The following CCDC39 variants were observed in gnomAD, a reference collection of about 807,000 sequenced individuals.
CCDC39 encodes the protein coiled-coil domain 39 molecular ruler complex subunit, also known as coiled-coil domain-containing protein 39.
In CCDC39, 113 loss-of-function variants were observed where a neutral mutation model predicts 121.0. That is an observed-to-expected ratio of 0.93 (90% CI 0.80 to 1.09). The LOEUF (loss-of-function observed/expected upper bound fraction) is 1.09, where lower values mean the gene tolerates loss of function less well. Among genes scored for constraint, CCDC39 ranks in the 50% least tolerant of loss-of-function variants. CCDC39 has a pLI of 0.00. For missense variants in CCDC39, 1,063 were observed against 1,074.7 expected (o/e 0.99, Z 0.15); for synonymous variants, 349 against 352.2 (o/e 0.99, Z 0.10).
intron 7 of CCDC39, among the ~76,000 whole-genome samples, chr3:180,652,782 A>G (rs926170752): frequency 6.6e-6 from 1 of 152,156 alleles, no homozygotes; most frequent in Non-Finnish European, 1.5e-5. Flanking sequence ...ACTCTCCACC[A>G]AATACTCTCA....
chr3:180,647,296 A>G, intron 10 of CCDC39, 53 bp from the exon 11 acceptor site: 1 of 1,452,448 alleles, frequency 6.9e-7, no homozygotes. Flanking sequence ...AAGCATTTCT[A>G]CAAGTGTAAA....
chr3:180,659,342 G>T (rs535088288), intron 6 of CCDC39, 110 bp downstream of exon 6: 2 of 1,350,300 alleles, frequency 1.5e-6, no homozygotes, highest in Non-Finnish European at 2.0e-6. Context: ...ACTGAATATT[G>T]CTACAAAAGT....
At chr3:180,639,908 T>C (rs905690338) in intron 13 of CCDC39, among the ~76,000 whole-genome samples, 4 of 152,102 alleles carry the variant, frequency 2.6e-5, no homozygotes, top group Non-Finnish European at 5.9e-5. Context: ...TATATTGATA[T>C]ACACAACATG....
At chr3:180,622,897 C>G (rs1307124337) in intron 14 of CCDC39, among the ~76,000 whole-genome samples, 1 of 151,538 alleles carries the variant, frequency 6.6e-6, no homozygotes, top group Non-Finnish European at 1.5e-5. Context: ...GTGTTGTGTC[C>G]TTGTCTGGTT....
At position 180,644,167 on chromosome 3, in the gene CCDC39, T is replaced by C. The variant is rs373541834; in HGVS notation, c.1618A>G (p.Ile540Val). 8 of 1,545,630 alleles carry C rather than the reference T, an allele frequency of 5.2e-6. No homozygotes were observed. Among genetic ancestry groups the C allele is most frequent in the Non-Finnish European group, 5.2e-6 (6 of 1,144,512 alleles). ...TCAAGTTCTTTCTCTGATCTGTCGATGAAAAGGTTTAGTTCATTTATTTTG... is the reference window on the plus strand; with the variant it reads ...TCAAGTTCTTTCTCTGATCTGTCGACGAAAAGGTTTAGTTCATTTATTTTG... ...MTKINELNLF[I>V]DRSEKELDKA... The change falls in exon 12 of 20, where the codon ATC (isoleucine) becomes GTC (valine). Residue 540 changes from isoleucine to valine, a missense_variant. By Grantham distance (29) the Ile-to-Val change is conservative. Coordinates refer to ENST00000476379, the MANE Select transcript of CCDC39 (RefSeq NM_181426.2).
chr3:180,662,035 G>C, intron 2 of CCDC39, 28 bp from the exon 3 acceptor site: 1 of 1,510,268 alleles, frequency 6.6e-7, no homozygotes, highest in Non-Finnish European at 8.8e-7. Context: ...AGATAAAAAG[G>C]CTTTTAAAAT....
intron 16 of CCDC39, 62 bp downstream of exon 16, chr3:180,619,197 T>A: frequency 1.3e-6 from 1 of 766,126 alleles, no homozygotes; most frequent in Non-Finnish European, 2.3e-6. Flanking sequence ...AGAATAGAAG[T>A]AGCAGTAATG....
In CCDC39 at chr3:180,642,092, A is replaced by C; in HGVS notation, c.1775T>G (p.Leu592Ter). ...AGTTCGCTCTTCCATTGCTGTGTAT[A>C]ATTGCTGTTTTCTTTTTTCTAGGGA... ...VLSLEKRKQQ[L>*]YTAMEERTEE... is the part of the protein sequence containing the mutation. Residue 592 changes from leucine to a stop codon, truncating the protein, a stop_gained, in exon 13 of 20, where the codon TTA becomes TGA. Coordinates refer to ENST00000476379, the MANE Select transcript of CCDC39 (RefSeq NM_181426.2). LOFTEE classifies it high-confidence loss of function. 1 of 1,613,000 alleles carries C rather than the reference A, an allele frequency of 6.2e-7. No individual in the cohort carries two copies.
chr3:180,637,537 A>T (rs1337232833), intron 13 of CCDC39, among the ~76,000 whole-genome samples: 2 of 152,212 alleles, frequency 1.3e-5, no homozygotes, highest in African/African-American at 2.4e-5. Context: ...TCAAGAAAGT[A>T]AAAACAGAAG....
Position 180,673,958 on chromosome 3 carries a change from C to T in CCDC39, c.90+5333G>A, listed in dbSNP as rs1054069781. ...ATTAAAATGACAGTACTTGGCAATGCAGGCTCTTTCTTGGTTCCATATAAA... is the reference window on the plus strand; with the variant it reads ...ATTAAAATGACAGTACTTGGCAATGTAGGCTCTTTCTTGGTTCCATATAAA... On this transcript the variant is annotated intron_variant, in intron 1 of 19. Coordinates refer to ENST00000476379, the MANE Select transcript of CCDC39 (RefSeq NM_181426.2). Among the ~76,000 whole-genome samples the T allele has an allele frequency of 3.9e-5, 6 of 151,964 alleles. No homozygotes were observed. In the South Asian group the frequency reaches 1.2e-3, roughly 32 times the overall value.
intron 9 of CCDC39, among the ~76,000 whole-genome samples, chr3:180,651,174 A>G (rs1025488170): frequency 7.9e-5 from 12 of 151,982 alleles, no homozygotes; most frequent in Admixed American, 2.0e-4. Context: ...TAGCCTGGGC[A>G]ACAAGAGCCA....
intron 14 of CCDC39, among the ~76,000 whole-genome samples, chr3:180,620,627 C>T (rs1322595913): frequency 6.6e-6 from 1 of 151,542 alleles, no homozygotes; most frequent in African/African-American, 2.4e-5. Flanking sequence ...AGATAGTATG[C>T]ATATATATAC....
chr3:180,671,613 T>C (rs573442077), intron 1 of CCDC39, among the ~76,000 whole-genome samples: 122 of 152,236 alleles, frequency 8.0e-4, no homozygotes, highest in Non-Finnish European at 1.5e-3. Context: ...AGCTTACAGG[T>C]GCAGTGGTGT....
intron 13 of CCDC39, among the ~76,000 whole-genome samples, chr3:180,633,846 C>A (rs1240282634): frequency 6.6e-6 from 1 of 152,186 alleles, no homozygotes; most frequent in Non-Finnish European, 1.5e-5. Context: ...CTTCACCAGG[C>A]AGGGGCCCCA....
intron 13 of CCDC39, among the ~76,000 whole-genome samples, chr3:180,638,979 A>G (rs1717894558): frequency 6.6e-6 from 1 of 152,136 alleles, no homozygotes; most frequent in Admixed American, 6.5e-5. Context: ...AAGAAAGCAT[A>G]TGTCCATACC....
intron 14 of CCDC39, among the ~76,000 whole-genome samples, chr3:180,622,268 C>T (rs912647136): frequency 2.6e-4 from 39 of 152,014 alleles, no homozygotes; most frequent in African/African-American, 6.8e-4. Context: ...GATTTTGTAT[C>T]CCGAAACTGC....
intron 13 of CCDC39, among the ~76,000 whole-genome samples, chr3:180,641,090 G>C (rs1053493981): frequency 2.0e-5 from 3 of 151,864 alleles, no homozygotes; most frequent in African/African-American, 7.3e-5. Context: ...CAGACAAGTT[G>C]GGTTTATTCT....
chr3:180,672,235 C>G (rs922492695), intron 1 of CCDC39, among the ~76,000 whole-genome samples: 1 of 152,162 alleles, frequency 6.6e-6, no homozygotes, highest in Non-Finnish European at 1.5e-5. Flanking sequence ...TGTCTGTTTA[C>G]AACATGGTTT....
intron 18 of CCDC39, 54 bp downstream of exon 18, chr3:180,616,462 G>A (rs2108404111): frequency 1.3e-6 from 2 of 1,497,344 alleles, no homozygotes; most frequent in African/African-American, 1.4e-5. Context: ...TGTCATGAAA[G>A]TTTTTATTTT....
Sources: allele counts gnomAD v4.1 joint callset (sites outside exome capture counted in the v4.1 genomes callset), GRCh38; gene constraint gnomAD v4.1.1; transcripts MANE v1.5; gene names NCBI Gene and HGNC (gene_info 2026-07-23, HGNC 2026-07-21).